TMEM236: variants seen among roughly 807,000 people sequenced by gnomAD.
The protein encoded by TMEM236 is transmembrane protein 236.
TMEM236 carries 11 observed loss-of-function variants against 14.7 expected under a neutral mutation model. That is an observed-to-expected ratio of 0.75 (90% CI 0.47 to 1.24). TMEM236 has a LOEUF of 1.24. TMEM236 is among the 50% of genes most tolerant of loss of function. The pLI is 0.00. For missense variants in TMEM236, 464 were observed against 427.3 expected (o/e 1.09, Z -0.76); for synonymous variants, 182 against 168.6 (o/e 1.08, Z -0.62).
At position 17,772,885 on chromosome 10, in the gene TMEM236, A is replaced by G. The variant is rs928052255; in HGVS notation, c.330+1504A>G. 9.1e-3 allele frequency among the ~76,000 whole-genome samples: 1,378 copies of G among 152,090 alleles called. 20 individuals are homozygous for G. The highest frequency in any genetic ancestry group is 0.031 in the African/African-American group (1,286 of 41,484). On this transcript the variant is annotated intron_variant, in intron 2 of 3. Transcript: ENST00000377495. ...GAAGTCACTTCTAACTTGACTTCTG[A>G]TACTGCAGGCTAGTTTGTCTGTTTT...
chr10:17,757,200 AAGTTT>A (rs1837296826), intron 1 of TMEM236, among the ~76,000 whole-genome samples: 2 of 152,210 alleles, frequency 1.3e-5, no homozygotes, highest in African/African-American at 4.8e-5. Context: ...CTGTACTGTT[AAGTTT>A]AAACTTTACA....
rs1286038233 is a variant in TMEM236 at position 17,796,864 on chromosome 10, G to A, written c.*360G>A. ...GCACGTGGTGAACCTCAAACTGAGC[G>A]TTCCCGCCTGCATTCCGCCTCCTGT... On this transcript the variant is annotated 3_prime_UTR_variant, in exon 4 of 4. Coordinates refer to ENST00000377495, the MANE Select transcript of TMEM236 (RefSeq NM_001098844.3). 14 of 284,746 alleles carry A rather than the reference G, an allele frequency of 4.9e-5. No individual in the cohort carries two copies. Among genetic ancestry groups the A allele is most frequent in the East Asian group, 2.0e-4 (2 of 10,220 alleles). The allele number at this position is 284,746 out of a possible 1,614,324, so 17.6% of individuals were successfully genotyped here.
At chr10:17,780,640 T>C (rs1243269062) in intron 3 of TMEM236, among the ~76,000 whole-genome samples, 1 of 152,000 alleles carries the variant, frequency 6.6e-6, no homozygotes, top group Admixed American at 6.6e-5. Flanking sequence ...AACTAAGGCG[T>C]GTATGTAGCA....
At chr10:17,775,937 A>G in intron 2 of TMEM236, 92 bp from the exon 3 acceptor site, 1 of 1,478,412 alleles carries the variant, frequency 6.8e-7, no homozygotes, top group Non-Finnish European at 9.4e-7. Flanking sequence ...ATGTAATTAT[A>G]ATTAATTTAG....
chr10:17,757,730 G>A (rs927493667), intron 1 of TMEM236, among the ~76,000 whole-genome samples: 15 of 151,918 alleles, frequency 9.9e-5, no homozygotes, highest in African/African-American at 3.6e-4. Flanking sequence ...AATGCCAGGT[G>A]TGTTTCAAGA....
At chr10:17,775,928 T>A (rs1589147282) in intron 2 of TMEM236, 101 bp from the exon 3 acceptor site, 1 of 1,444,678 alleles carries the variant, frequency 6.9e-7, no homozygotes, top group East Asian at 2.3e-5. Context: ...TTTTAGTAAA[T>A]GTAATTATAA....
intron 3 of TMEM236, among the ~76,000 whole-genome samples, chr10:17,776,596 TG>T (rs1484165963): frequency 2.0e-5 from 3 of 152,188 alleles, no homozygotes; most frequent in African/African-American, 7.2e-5. Flanking sequence ...GATAATCATG[TG>T]TTTTTAATTG....
chr10:17,776,140 A>G lies in TMEM236; in HGVS notation c.442A>G (p.Arg148Gly). ...CATGGTTGATATTATTGAAAAACTC[A>G]GGATATATCCTCTTAGAGGGAGTCA... Reference protein sequence around the residue: ...LIMVDIIEKLRIYPLRGSQKS... With the variant: ...LIMVDIIEKLGIYPLRGSQKS... The change falls in exon 3 of 4, where the codon AGG becomes GGG. Residue 148 changes from arginine to glycine, a missense_variant. Transcript: ENST00000377495. 6.2e-7 allele frequency: 1 copy of G among 1,613,598 alleles called. No homozygotes were observed. Among genetic ancestry groups the G allele is most frequent in the Admixed American group, 1.7e-5 (1 of 60,024 alleles).
intron 3 of TMEM236, among the ~76,000 whole-genome samples, chr10:17,779,313 C>A (rs1554835314): frequency 6.6e-6 from 1 of 151,960 alleles, no homozygotes; most frequent in African/African-American, 2.4e-5. Context: ...CAAAGTGAGC[C>A]CCCATCTAAG....
At chr10:17,762,252 C>G (rs981826387) in intron 1 of TMEM236, among the ~76,000 whole-genome samples, 126 of 152,158 alleles carry the variant, frequency 8.3e-4, no homozygotes, top group African/African-American at 2.9e-3. Flanking sequence ...TTTCTCTTCT[C>G]CAATGGGCAG....
chr10:17,792,607 A>G (rs1837944265), intron 3 of TMEM236, among the ~76,000 whole-genome samples: 4 of 152,202 alleles, frequency 2.6e-5, no homozygotes, highest in Admixed American at 2.6e-4. Context: ...CTGCTAACAA[A>G]ATGACATTTT....
chr10:17,765,581 A>G (rs1399718737), intron 1 of TMEM236, among the ~76,000 whole-genome samples: 2 of 152,236 alleles, frequency 1.3e-5, no homozygotes, highest in African/African-American at 4.8e-5. Flanking sequence ...ATGGTGGAGC[A>G]GGATAGACAT....
chr10:17,774,820 C>CTCTT (rs1336557255), intron 2 of TMEM236, among the ~76,000 whole-genome samples: 1 of 149,662 alleles, frequency 6.7e-6, no homozygotes, highest in African/African-American at 2.5e-5. Context: ...CTCTCTCTCT[C>CTCTT]TCTTTCTCTC....
chr10:17,757,738 A>G (rs1164171068), intron 1 of TMEM236, among the ~76,000 whole-genome samples: 3 of 151,970 alleles, frequency 2.0e-5, no homozygotes, highest in Non-Finnish European at 4.4e-5. Context: ...GTGTGTTTCA[A>G]GAAAAATGCA....
At chr10:17,755,229 G>C (rs1013786102) in intron 1 of TMEM236, among the ~76,000 whole-genome samples, 61 of 152,194 alleles carry the variant, frequency 4.0e-4, no homozygotes, top group African/African-American at 1.4e-3. Context: ...GGGATTATAG[G>C]CATAAGCCAC....
At chr10:17,795,498 A>G (rs1837996891) in intron 3 of TMEM236, among the ~76,000 whole-genome samples, 2 of 152,250 alleles carry the variant, frequency 1.3e-5, no homozygotes, top group Admixed American at 1.3e-4. Flanking sequence ...GGAGTGGTAA[A>G]AAATGACTTC....
At chr10:17,759,390 C>T (rs1837324651) in intron 1 of TMEM236, among the ~76,000 whole-genome samples, 1 of 152,096 alleles carries the variant, frequency 6.6e-6, no homozygotes. Context: ...TCTTTTGAGT[C>T]CTTTGGAGTA....
intron 3 of TMEM236, among the ~76,000 whole-genome samples, chr10:17,781,608 T>C (rs932609909): frequency 5.3e-5 from 8 of 151,802 alleles, no homozygotes; most frequent in Non-Finnish European, 1.0e-4. Flanking sequence ...TGGTTGGCCG[T>C]GGTGGCATGC....
intron 1 of TMEM236, among the ~76,000 whole-genome samples, chr10:17,755,537 A>G (rs1404507720): frequency 1.3e-5 from 2 of 152,224 alleles, no homozygotes; most frequent in African/African-American, 2.4e-5. Context: ...ATAAAGCATT[A>G]TGTTGTTGGC....
Sources: gnomAD v4.1 joint callset for allele counts (sites outside exome capture counted in the v4.1 genomes callset) on GRCh38, gnomAD v4.1.1 for gene constraint, MANE v1.5 for transcripts, NCBI Gene and HGNC (gene_info 2026-07-23, HGNC 2026-07-21) for gene names.